Variants in SPOCK1 observed in about 807,000 individuals in gnomAD.
SPOCK1 encodes testican-1.
Under a neutral mutation model 55.3 loss-of-function variants are expected in SPOCK1, and 23 were observed. The observed-to-expected ratio is 0.42, with a 90% CI of 0.30 to 0.59. The LOEUF (loss-of-function observed/expected upper bound fraction) is 0.59. Among genes scored for constraint, SPOCK1 ranks in the 20% least tolerant of loss-of-function variants. The probability of loss-of-function intolerance (pLI) is 0.22; values close to 1 mark genes in which losing one functional copy is unlikely to be tolerated. For missense variants in SPOCK1, 499 were observed against 552.5 expected, an observed-to-expected ratio of 0.90 and a Z score of 0.97; for synonymous variants, 226 against 221.0, an observed-to-expected ratio of 1.02 and a Z score of -0.20.
intron 6 of SPOCK1, among the ~76,000 whole-genome samples, chr5:137,010,323 C>CAA (rs2126974115): frequency 6.6e-6 from 1 of 152,062 alleles, no homozygotes; most frequent in South Asian, 2.1e-4. Flanking sequence ...ATAAACATGC[C>CAA]AAACAGGTCA....
At chr5:137,212,522 G>A (rs1755636631) in intron 3 of SPOCK1, among the ~76,000 whole-genome samples, 1 of 152,194 alleles carries the variant, frequency 6.6e-6, no homozygotes, top group African/African-American at 2.4e-5. Flanking sequence ...CTATGTGTCA[G>A]GCACTGTGGA....
intron 2 of SPOCK1, among the ~76,000 whole-genome samples, chr5:137,426,509 A>C (rs2149827455): frequency 6.6e-6 from 1 of 152,282 alleles, no homozygotes; most frequent in South Asian, 2.1e-4. Flanking sequence ...TGTTCGACAT[A>C]TTTCTAACAA....
At chr5:137,313,493 A>C in intron 2 of SPOCK1, 2 of 985,352 alleles carry the variant, frequency 2.0e-6, no homozygotes, top group South Asian at 9.4e-5. Context: ...CACCCACCCA[A>C]AACAAGGACA....
chr5:136,982,535 T>C (rs1388864154), intron 9 of SPOCK1, among the ~76,000 whole-genome samples: 2 of 152,320 alleles, frequency 1.3e-5, no homozygotes, highest in Admixed American at 1.3e-4. Context: ...ATTCTAATAT[T>C]CTTGTGGTTA....
At chr5:137,290,107 C>T (rs1188820314) in intron 2 of SPOCK1, among the ~76,000 whole-genome samples, 1 of 152,032 alleles carries the variant, frequency 6.6e-6, no homozygotes, top group African/African-American at 2.4e-5. Flanking sequence ...AGGATTTTAC[C>T]CAATGGAAAT....
chr5:137,058,195 T>C (rs1314312605), intron 6 of SPOCK1, among the ~76,000 whole-genome samples: 1 of 152,086 alleles, frequency 6.6e-6, no homozygotes, highest in African/African-American at 2.4e-5. Flanking sequence ...GACCTTTCAG[T>C]GGACATTGAA....
Position 137,157,166 on chromosome 5 carries a change from C to T in SPOCK1, c.233-16472G>A, listed in dbSNP as rs143615532. On this transcript the variant is annotated intron_variant, in intron 3 of 10. Coordinates refer to ENST00000394945, the MANE Select transcript of SPOCK1 (RefSeq NM_004598.4). ...CCCACCGGCACTGGTGTTTGCACTA[C>T]CTAGAGCTCCATAAGAACACATCTT... is the stretch of plus-strand genomic sequence containing the variant. Among the ~76,000 whole-genome samples, 100 of 152,214 alleles carry T rather than the reference C, an allele frequency of 6.6e-4. 1 individual carries two copies. The highest frequency in any genetic ancestry group is 2.0e-3 in the African/African-American group (84 of 41,532).
intron 2 of SPOCK1, among the ~76,000 whole-genome samples, chr5:137,302,181 T>C (rs1033390175): frequency 2.0e-5 from 3 of 152,154 alleles, no homozygotes; most frequent in African/African-American, 4.8e-5. Flanking sequence ...TCAAATTAGA[T>C]ATTAAATAGT....
chr5:137,387,130 A>G (rs6880733), intron 2 of SPOCK1, among the ~76,000 whole-genome samples: 45,293 of 152,108 alleles, frequency 0.3, 7,073 homozygotes, highest in Admixed American at 0.41. Flanking sequence ...CACCTATTAG[A>G]ATGGCCAAAA....
chr5:137,487,769 G>T (rs540639345), intron 2 of SPOCK1, among the ~76,000 whole-genome samples: 1 of 152,190 alleles, frequency 6.6e-6, no homozygotes, highest in African/African-American at 2.4e-5. Flanking sequence ...AGCATCCCTG[G>T]GCCCTGGCAG....
At chr5:137,405,292 T>C (rs1160127425) in intron 2 of SPOCK1, among the ~76,000 whole-genome samples, 1 of 152,194 alleles carries the variant, frequency 6.6e-6, no homozygotes, top group Non-Finnish European at 1.5e-5. Context: ...CATCAATTCA[T>C]ATAATTACTG....
At chr5:137,073,479 G>C (rs772370858) in intron 5 of SPOCK1, among the ~76,000 whole-genome samples, 4 of 152,190 alleles carry the variant, frequency 2.6e-5, no homozygotes, top group Non-Finnish European at 5.9e-5. Context: ...AAGCTAGAGA[G>C]GGATGAGGAG....
rs1388513553 is a variant in SPOCK1 at position 136,984,713 on chromosome 5, A to C, written c.991+427T>G. On this transcript the variant is annotated intron_variant, in intron 9 of 10. Coordinates refer to ENST00000394945, the MANE Select transcript of SPOCK1 (RefSeq NM_004598.4). ...CATACATGTCGTTCAACCCTGTTTG[A>C]TAAATTCTGAAGAGAGTACAGCCCA... is the stretch of plus-strand genomic sequence containing the variant. Among the ~76,000 whole-genome samples the C allele has an allele frequency of 2.0e-5, 3 of 152,342 alleles. No homozygotes were observed. The South Asian group carries it at 6.2e-4, about 32-fold the overall frequency.
intron 8 of SPOCK1, among the ~76,000 whole-genome samples, chr5:136,987,740 C>T (rs1561571761): frequency 1.3e-5 from 2 of 152,130 alleles, no homozygotes; most frequent in African/African-American, 4.8e-5. Context: ...TATGTTCTCC[C>T]GATGTGGGCC....
At chr5:137,259,698 A>AT (rs1460940027) in intron 3 of SPOCK1, among the ~76,000 whole-genome samples, 1 of 151,730 alleles carries the variant, frequency 6.6e-6, no homozygotes, top group Non-Finnish European at 1.5e-5. Flanking sequence ...TAAAAAAAAA[A>AT]AAAAAAGAAA....
chr5:137,301,571 G>A (rs1261393185), intron 2 of SPOCK1, among the ~76,000 whole-genome samples: 3 of 150,970 alleles, frequency 2.0e-5, no homozygotes, highest in Non-Finnish European at 4.4e-5. Context: ...CTGTTTCTAG[G>A]GTATGAACTC....
At chr5:137,146,913 T>C (rs956925575) in intron 3 of SPOCK1, among the ~76,000 whole-genome samples, 1 of 152,044 alleles carries the variant, frequency 6.6e-6, no homozygotes, top group African/African-American at 2.4e-5. Context: ...GATTGGGGAA[T>C]TGGTGGGGAG....
chr5:137,116,675 C>T (rs575906771), intron 4 of SPOCK1, among the ~76,000 whole-genome samples: 5 of 152,080 alleles, frequency 3.3e-5, no homozygotes, highest in Admixed American at 3.3e-4. Flanking sequence ...CTTCTCCCTA[C>T]CTCCTAGGGC....
chr5:137,358,517 A>G (rs1580884353), intron 2 of SPOCK1, among the ~76,000 whole-genome samples: 25 of 72,252 alleles, frequency 3.5e-4, no homozygotes, highest in South Asian at 1.0e-3. Context: ...AGAAGGGAGG[A>G]GGTGGAGGAG....
Sources: allele counts gnomAD v4.1 joint callset (sites outside exome capture counted in the v4.1 genomes callset), GRCh38; gene constraint gnomAD v4.1.1; transcripts MANE v1.5; gene names NCBI Gene and HGNC (gene_info 2026-07-23, HGNC 2026-07-21).